DAB1: variants seen among roughly 807,000 people sequenced by gnomAD.
DAB1 encodes disabled homolog 1.
Under a neutral mutation model 64.6 loss-of-function variants are expected in DAB1, and 15 were observed. The ratio of observed to expected loss-of-function variants is 0.23; its 90% CI spans 0.16 to 0.36. The LOEUF (loss-of-function observed/expected upper bound fraction) is 0.36, where lower values mean the gene tolerates loss of function less well. Among genes scored for constraint, DAB1 ranks in the 10% least tolerant of loss-of-function variants. The pLI, the probability that DAB1 is intolerant of heterozygous loss-of-function variation, is 1.00. For synonymous variants in DAB1, 235 were observed against 251.9 expected, an observed-to-expected ratio of 0.93 and a Z score of 0.64; for missense variants, 596 against 706.7, an observed-to-expected ratio of 0.84 and a Z score of 1.78.
chr1:57,342,281 T>A (rs778831927), intron 1 of DAB1, among the ~76,000 whole-genome samples: 1 of 152,180 alleles, frequency 6.6e-6, no homozygotes, highest in African/African-American at 2.4e-5. Context: ...ATTCCCTCCA[T>A]GTCAGCTCAA....
In DAB1 at chr1:57,423,917, C is replaced by G. The variant is rs1685132212; in HGVS notation, c.-137+13G>C. 1 of 152,044 alleles carries G rather than the reference C, an allele frequency of 6.6e-6. No individual in the cohort carries two copies. Among genetic ancestry groups the G allele is most frequent in the African/African-American group, 2.4e-5 (1 of 41,368 alleles). The allele number at this position is 152,044 out of a possible 1,614,324, so 9.4% of individuals were successfully genotyped here. A position where few individuals can be genotyped will look rare whatever the true frequency, so the allele number is the denominator to read the frequency against. ...GAACTCAAGGGTTGCCGCGCGCCCC[C>G]GCCGCGCCTCACCTCGCCTAGCCCA... On this transcript the variant is annotated intron_variant, in intron 1 of 14. Coordinates refer to ENST00000371236, the MANE Select transcript of DAB1 (RefSeq NM_001365792.1).
intron 2 of DAB1, among the ~76,000 whole-genome samples, chr1:57,212,456 C>T (rs1197992548): frequency 1.3e-5 from 2 of 149,048 alleles, no homozygotes; most frequent in African/African-American, 5.0e-5. Context: ...CAAGCTCCAC[C>T]TCCTGGGTTC....
chr1:57,119,107 G>C (rs1014892528), intron 4 of DAB1, among the ~76,000 whole-genome samples: 3 of 151,990 alleles, frequency 2.0e-5, no homozygotes, highest in African/African-American at 7.3e-5. Context: ...TGTCTCAACT[G>C]GATCTACAAC....
At chr1:58,399,913 C>T (rs1003927831) in intron 3 of DAB1, among the ~76,000 whole-genome samples, 7 of 151,930 alleles carry the variant, frequency 4.6e-5, no homozygotes, top group Non-Finnish European at 7.4e-5. Context: ...GAATTAGGTC[C>T]GGGGTTATGC....
intron 2 of DAB1, among the ~76,000 whole-genome samples, chr1:57,187,547 A>T (rs577488798): frequency 1.3e-5 from 2 of 152,220 alleles, no homozygotes; most frequent in Non-Finnish European, 1.5e-5. Flanking sequence ...GCAGGTGGCT[A>T]CTGCTCTGAC....
intron 4 of DAB1, among the ~76,000 whole-genome samples, chr1:57,135,840 C>T (rs1658033937): frequency 6.6e-6 from 1 of 152,076 alleles, no homozygotes; most frequent in Admixed American, 6.6e-5. Context: ...AGCTGTAAAA[C>T]ACTGAATAAA....
intron 3 of DAB1, among the ~76,000 whole-genome samples, chr1:58,350,053 A>C (rs528156877): frequency 5.9e-5 from 9 of 152,298 alleles, no homozygotes; most frequent in African/African-American, 2.2e-4. Context: ...ACAATGGTTG[A>C]ACTAATTTAC....
chr1:57,938,104 T>C (rs554136259), intron 5 of DAB1, among the ~76,000 whole-genome samples: 8 of 152,328 alleles, frequency 5.3e-5, no homozygotes, highest in African/African-American at 1.9e-4. Flanking sequence ...GAATTCCTTT[T>C]CATGTGATGT....
At chr1:57,100,125 G>T (rs964815101) in intron 4 of DAB1, among the ~76,000 whole-genome samples, 6 of 152,154 alleles carry the variant, frequency 3.9e-5, no homozygotes, top group Non-Finnish European at 8.8e-5. Flanking sequence ...CTAGCTACGG[G>T]ATCTTGGGCA....
At chr1:57,220,559 TA>T (rs1375794730) in intron 2 of DAB1, among the ~76,000 whole-genome samples, 2 of 152,204 alleles carry the variant, frequency 1.3e-5, no homozygotes, top group African/African-American at 4.8e-5. Context: ...AGAGAAGTTA[TA>T]ACACATGCTC....
chr1:57,380,786 A>G (rs542739034), intron 1 of DAB1, among the ~76,000 whole-genome samples: 7 of 152,322 alleles, frequency 4.6e-5, no homozygotes, highest in Non-Finnish European at 1.0e-4. Flanking sequence ...TTGATTTATA[A>G]CATGCAGGCT....
At chr1:57,884,436 A>G (rs1198882081), upstream of DAB1, among the ~76,000 whole-genome samples, 1 of 152,214 alleles carries the variant, frequency 6.6e-6, no homozygotes, top group African/African-American at 2.4e-5. Flanking sequence ...ATGCTCATTC[A>G]TCTTTATTTT....
At chr1:57,460,242 C>T (rs1272117666) in intron 7 of DAB1, among the ~76,000 whole-genome samples, 1 of 152,200 alleles carries the variant, frequency 6.6e-6, no homozygotes, top group East Asian at 1.9e-4. Context: ...AGCCCTCATT[C>T]GTCCCCATCC....
intron 4 of DAB1, among the ~76,000 whole-genome samples, chr1:58,264,876 A>G (rs1661125683): frequency 6.6e-6 from 1 of 152,242 alleles, no homozygotes; most frequent in South Asian, 2.1e-4. Flanking sequence ...AGTTAGCTGT[A>G]TCTCTCATAA....
intron 3 of DAB1, among the ~76,000 whole-genome samples, chr1:58,419,129 C>T (rs931930584): frequency 6.6e-6 from 1 of 152,176 alleles, no homozygotes; most frequent in Non-Finnish European, 1.5e-5. Flanking sequence ...TTTACCAGCT[C>T]AGCTTCCAGC....
chr1:57,439,428 T>TTTGTTTTTTTTTGTTTTTTTTTG (rs1558381446), intron 7 of DAB1, among the ~76,000 whole-genome samples: 1 of 119,820 alleles, frequency 8.3e-6, no homozygotes, highest in East Asian at 2.5e-4. Flanking sequence ...GTTTTTTCTT[T>TTTGTTTTTTTTTGTTTTTTTTTG]TTTTTTTTTT....
Position 58,393,120 on chromosome 1 carries a change from C to CTT in DAB1, n.258-49719_258-49718dup, listed in dbSNP as rs34546253. 8.1e-3 allele frequency among the ~76,000 whole-genome samples: 949 copies of CTT among 116,720 alleles called. 3 individuals are homozygous for CTT. The highest frequency in any genetic ancestry group is 0.012 in the African/African-American group (348 of 28,382). 76.6% of individuals were successfully genotyped at this position (116,720 alleles called of 152,430 possible). The stretch of plus-strand genomic sequence containing the variant: ...CATACCATGCTATTTACTTCCAAAT[C>CTT]TTTTTTTTTTTTTTTTTTTTTTTAT... On this transcript the variant is annotated intron_variant and non_coding_transcript_variant, in intron 3 of 20. Coordinates refer to the DAB1 transcript ENST00000485760.
intron 6 of DAB1, among the ~76,000 whole-genome samples, chr1:57,787,691 C>T (rs112779407): frequency 1.8e-4 from 28 of 152,030 alleles, no homozygotes; most frequent in African/African-American, 4.3e-4. Flanking sequence ...TTAAAATCTT[C>T]GGCTTTTCAA....
chr1:58,042,957 A>G (rs1383748002), intron 5 of DAB1, among the ~76,000 whole-genome samples: 4 of 152,256 alleles, frequency 2.6e-5, no homozygotes, highest in African/African-American at 9.6e-5. Flanking sequence ...TAAAGATTCT[A>G]AGAGCAAAGG....
Sources: allele counts gnomAD v4.1 joint callset (sites outside exome capture counted in the v4.1 genomes callset), GRCh38; gene constraint gnomAD v4.1.1; transcripts MANE v1.5; gene names NCBI Gene and HGNC (gene_info 2026-07-23, HGNC 2026-07-21).